The following APTX variants were observed in gnomAD, a reference collection of about 807,000 sequenced individuals.
The protein encoded by APTX is aprataxin.
A neutral mutation model predicts 42.3 loss-of-function variants in APTX; 33 were observed. The observed-to-expected ratio is 0.78, with a 90% confidence interval of 0.59 to 1.04. The LOEUF (loss-of-function observed/expected upper bound fraction) is 1.04, where lower values mean the gene tolerates loss of function less well. Among genes scored for constraint, APTX ranks in the 50% least tolerant of loss-of-function variants. The pLI, the probability that APTX is intolerant of heterozygous loss-of-function variation, is 0.00. For synonymous variants in APTX, 130 were observed against 146.7 expected (o/e 0.89, Z 0.82); for missense variants, 421 against 415.1 (o/e 1.01, Z -0.12).
rs767459701 is a variant in APTX at position 32,988,043 on chromosome 9, AATC to A, written c.180+37_180+39del. 2.6e-5 allele frequency: 42 copies of A among 1,600,700 alleles called. No individual in the cohort carries two copies. The East Asian group carries it at 6.2e-4, about 24-fold the overall frequency. On this transcript the variant is annotated intron_variant, in intron 3 of 7. Transcript: ENST00000379817. ...CACTCTAAAGTCAACAGCATAAGAA[AATC>A]ATCGAGTATAAAATTCCAAGTTATA...
intron 1 of APTX, among the ~76,000 whole-genome samples, chr9:32,994,196 C>G (rs1834301572): frequency 6.6e-6 from 1 of 152,186 alleles, no homozygotes; most frequent in South Asian, 2.1e-4. Context: ...CTGAACTGTC[C>G]AATAAATTAC....
intron 4 of APTX, 87 bp from the exon 5 acceptor site, chr9:32,986,117 T>TA (rs1832055388): frequency 8.2e-7 from 1 of 1,225,854 alleles, no homozygotes; most frequent in Non-Finnish European, 1.2e-6. Context: ...TGGCAACAGT[T>TA]AATACTGTGT....
chr9:32,996,788 A>G (rs1268133893), intron 1 of APTX, among the ~76,000 whole-genome samples: 5 of 152,230 alleles, frequency 3.3e-5, no homozygotes, highest in Non-Finnish European at 7.3e-5. Context: ...CCCTGCTAAC[A>G]GACTGCATCA....
intron 7 of APTX, 59 bp from the exon 8 acceptor site, chr9:32,973,711 C>CAAAAAAAAAAAAAAAAAAAAAAAAA: frequency 1.5e-6 from 2 of 1,331,630 alleles, no homozygotes; most frequent in Non-Finnish European, 1.0e-6. Flanking sequence ...TATGAGATAC[C>CAAAAAAAAAAAAAAAAAAAAAAAAA]AAAAAAAAAA....
chr9:32,995,651 G>A (rs1041352788), intron 1 of APTX, among the ~76,000 whole-genome samples: 1 of 152,148 alleles, frequency 6.6e-6, no homozygotes, highest in Non-Finnish European at 1.5e-5. Flanking sequence ...ACTTTGGGAG[G>A]CCAAGGCGGG....
chr9:32,997,830 TAGAGA>T (rs1563985959), intron 1 of APTX, among the ~76,000 whole-genome samples: 1 of 152,134 alleles, frequency 6.6e-6, no homozygotes, highest in Admixed American at 6.6e-5. Context: ...CTGAATGAAT[TAGAGA>T]AAAGAATGGA....
intron 1 of APTX, among the ~76,000 whole-genome samples, chr9:33,013,810 A>C (rs1837712255): frequency 6.6e-6 from 1 of 152,206 alleles, no homozygotes; most frequent in African/African-American, 2.4e-5. Flanking sequence ...TCTAAAAAAC[A>C]AAACAAAAAC....
chr9:32,987,540 T>TC lies in APTX; in HGVS notation c.483+3dup. On this transcript the variant is annotated splice_donor_region_variant and intron_variant, in intron 4 of 7. Transcript: ENST00000379817. Reference sequence around the variant, plus strand: ...ACATCATCTACCAATCACACTACCCTCACCTTTTTGATAGGTGCATCTTTT... The same window carrying TC: ...ACATCATCTACCAATCACACTACCCTCCACCTTTTTGATAGGTGCATCTTTT... 6.2e-7 allele frequency: 1 copy of TC among 1,613,602 alleles called. No homozygotes were observed. Among genetic ancestry groups the TC allele is most frequent in the African/African-American group, 1.3e-5 (1 of 75,062 alleles).
At chr9:32,975,563 G>GA (rs1295033607) in intron 6 of APTX, among the ~76,000 whole-genome samples, 3 of 152,148 alleles carry the variant, frequency 2.0e-5, no homozygotes, top group African/African-American at 7.2e-5. Flanking sequence ...ACTGGGCGTG[G>GA]TGGCAGGTGC....
intron 1 of APTX, among the ~76,000 whole-genome samples, chr9:32,997,720 G>A (rs1259679976): frequency 2.0e-5 from 3 of 152,234 alleles, no homozygotes; most frequent in Admixed American, 2.0e-4. Context: ...GAAGAGGCTG[G>A]AGATACAGGC....
chr9:32,972,921 A>G lies in APTX; in HGVS notation c.*577T>C, dbSNP rs1186379253. 2.2e-6 allele frequency: 1 copy of G among 454,018 alleles called. No individual in the cohort carries two copies. Among genetic ancestry groups the G allele is most frequent in the African/African-American group, 2.0e-5 (1 of 50,018 alleles). 28.1% of individuals were successfully genotyped at this position (454,018 alleles called of 1,614,324 possible). A position where few individuals can be genotyped will look rare whatever the true frequency, so the allele number is the denominator to read the frequency against. ...CATCTAGCCTCTTTTCTCACTGTGAAGAACTGATGAGACAGAATTCCTGAG... is the reference window on the plus strand; with the variant it reads ...CATCTAGCCTCTTTTCTCACTGTGAGGAACTGATGAGACAGAATTCCTGAG... On this transcript the variant is annotated 3_prime_UTR_variant, in exon 8 of 8. Transcript: ENST00000379817.
At chr9:33,003,248 A>C (rs1333077430), upstream of APTX, among the ~76,000 whole-genome samples, 2 of 152,224 alleles carry the variant, frequency 1.3e-5, no homozygotes, top group Non-Finnish European at 2.9e-5. Context: ...TGTTAGGCCT[A>C]GTCCATTGTC....
At chr9:33,013,384 T>C (rs893562818) in intron 1 of APTX, among the ~76,000 whole-genome samples, 1 of 152,160 alleles carries the variant, frequency 6.6e-6, no homozygotes, top group Non-Finnish European at 1.5e-5. Context: ...CCCAGTTTCC[T>C]GTCCTAGATC....
chr9:33,007,311 C>G lies in APTX; in HGVS notation c.-4-17416G>C, dbSNP rs145701350. 4.1e-3 allele frequency among the ~76,000 whole-genome samples: 628 copies of G among 152,240 alleles called. 6 individuals carry two copies. Among genetic ancestry groups the G allele is most frequent in the African/African-American group, 0.014 (600 of 41,544 alleles). On this transcript the variant is annotated intron_variant, in intron 1 of 6. Transcript: ENST00000436040. ...ACCATTTAAGAACTGTATGTGGATTCATCATTCATTGAAAAACCCCTGAAG... is the reference window on the plus strand; with the variant it reads ...ACCATTTAAGAACTGTATGTGGATTGATCATTCATTGAAAAACCCCTGAAG...
chr9:33,010,063 CTACTT>C (rs917656906), intron 1 of APTX, among the ~76,000 whole-genome samples: 79 of 152,244 alleles, frequency 5.2e-4, no homozygotes, highest in African/African-American at 1.8e-3. Context: ...ACTTCTCTGG[CTACTT>C]TAAAGACTGA....
intron 1 of APTX, among the ~76,000 whole-genome samples, chr9:33,022,909 A>T (rs1838505188): frequency 6.6e-6 from 1 of 152,146 alleles, no homozygotes; most frequent in African/African-American, 2.4e-5. Flanking sequence ...TGGTGCAATC[A>T]CCACTCACTG....
Position 33,001,548 on chromosome 9 carries a change from A to G in APTX, c.-5+19T>C. 1 of 1,613,748 alleles carries G rather than the reference A, an allele frequency of 6.2e-7. No individual in the cohort carries two copies. Among genetic ancestry groups the G allele is most frequent in the East Asian group, 2.2e-5 (1 of 44,860 alleles). On this transcript the variant is annotated intron_variant, in intron 1 of 7. Coordinates refer to ENST00000379817, the MANE Select transcript of APTX (RefSeq NM_001195248.2). ...ATTGAGCCCAGCCAGCAGAAGAGAT[A>G]GGCTGACGACCGCCTTACCTCCAGA...
In APTX at chr9:32,984,768, G is replaced by T. The variant is rs773181115; in HGVS notation, c.633C>A (p.Ser211=). 3.8e-5 allele frequency: 62 copies of T among 1,614,190 alleles called. No individual in the cohort carries two copies. Among genetic ancestry groups the T allele is most frequent in the Non-Finnish European group, 5.2e-5 (61 of 1,180,022 alleles). ...HWLVLPWTSI[S]SLKAVAREHL... ...GTTCCCTGGCCACAGCCTTCAGACT[G>T]GAAATGGAGGTCCACGGTAAGACCA... Residue 211 remains serine (S), a synonymous_variant, in exon 6 of 8, where the codon TCC becomes TCA. Coordinates refer to ENST00000379817, the MANE Select transcript of APTX (RefSeq NM_001195248.2).
At chr9:33,003,089 T>C (rs535694977), upstream of APTX, among the ~76,000 whole-genome samples, 3 of 152,348 alleles carry the variant, frequency 2.0e-5, no homozygotes, top group East Asian at 5.8e-4. Context: ...ACCAGTTTTG[T>C]TGTTCCCTCA....
Sources: allele counts gnomAD v4.1 joint callset (sites outside exome capture counted in the v4.1 genomes callset), GRCh38; gene constraint gnomAD v4.1.1; transcripts MANE v1.5; gene names NCBI Gene and HGNC (gene_info 2026-07-23, HGNC 2026-07-21).